The following CTNND2 variants were observed in gnomAD, a reference collection of about 807,000 sequenced individuals.
CTNND2 encodes the protein catenin delta 2.
A neutral mutation model predicts 144.4 loss-of-function variants in CTNND2; 22 were observed. The observed-to-expected ratio is 0.15, with a 90% CI of 0.11 to 0.22. The LOEUF is 0.22. Ranked by LOEUF, CTNND2 falls within the 10% of genes least tolerant of loss-of-function variation. The probability of loss-of-function intolerance (pLI) is 1.00; values close to 1 mark genes in which losing one functional copy is unlikely to be tolerated. For missense variants in CTNND2, 1,353 were observed against 1,618.8 expected, an observed-to-expected ratio of 0.84 and a Z score of 2.82; for synonymous variants, 751 against 695.6, an observed-to-expected ratio of 1.08 and a Z score of -1.25.
intron 15 of CTNND2, among the ~76,000 whole-genome samples, chr5:11,092,892 T>G (rs1750913106): frequency 6.6e-6 from 1 of 152,216 alleles, no homozygotes; most frequent in South Asian, 2.1e-4. Flanking sequence ...CACTTTTACA[T>G]GATACACTAC....
At chr5:11,460,168 A>G (rs1470622419) in intron 3 of CTNND2, among the ~76,000 whole-genome samples, 1 of 152,180 alleles carries the variant, frequency 6.6e-6, no homozygotes, top group Non-Finnish European at 1.5e-5. Context: ...GGAGCCTCCA[A>G]CATAGGTGAG....
intron 1 of CTNND2, among the ~76,000 whole-genome samples, chr5:11,890,571 G>A (rs1736877379): frequency 6.6e-6 from 1 of 152,028 alleles, no homozygotes; most frequent in Non-Finnish European, 1.5e-5. Flanking sequence ...CCTTCATAAG[G>A]CAGCTACTTA....
intron 3 of CTNND2, among the ~76,000 whole-genome samples, chr5:11,422,046 T>C (rs1762405233): frequency 6.6e-6 from 1 of 152,146 alleles, no homozygotes. Flanking sequence ...AAAGTTAAGC[T>C]ATCATTACCA....
chr5:11,008,191 C>T (rs991364957), intron 18 of CTNND2, among the ~76,000 whole-genome samples: 14 of 152,116 alleles, frequency 9.2e-5, no homozygotes, highest in Non-Finnish European at 1.3e-4. Context: ...ATACTGCCTC[C>T]CCCATAGAAG....
At chr5:11,633,775 C>CAA (rs71595827) in intron 2 of CTNND2, among the ~76,000 whole-genome samples, 2,469 of 136,364 alleles carry the variant, frequency 0.018, 65 homozygotes, top group African/African-American at 0.06. Context: ...GGCACTGTCT[C>CAA]AAAAAAAAAA....
At chr5:11,174,524 T>A (rs6894458) in intron 11 of CTNND2, among the ~76,000 whole-genome samples, 8,932 of 152,262 alleles carry the variant, frequency 0.059, 336 homozygotes, top group East Asian at 0.15. Context: ...ATTTTTTTTT[T>A]AAATATCACA....
intron 3 of CTNND2, among the ~76,000 whole-genome samples, chr5:11,474,345 A>C (rs1307243663): frequency 6.6e-6 from 1 of 152,230 alleles, no homozygotes; most frequent in African/African-American, 2.4e-5. Flanking sequence ...AAGATCTTCT[A>C]ATCTAGTTAG....
chr5:11,294,998 A>T, intron 9 of CTNND2, among the ~76,000 whole-genome samples: 1 of 152,160 alleles, frequency 6.6e-6, no homozygotes, highest in Non-Finnish European at 1.5e-5. Flanking sequence ...CAGGCAGGAG[A>T]AGGAAATAAA....
chr5:11,140,594 A>AAT (rs1561371680), intron 12 of CTNND2, among the ~76,000 whole-genome samples: 4 of 152,224 alleles, frequency 2.6e-5, no homozygotes, highest in Non-Finnish European at 5.9e-5. Flanking sequence ...CAATGCTACC[A>AAT]GTTCCTACTG....
At chr5:11,553,668 C>G (rs1467746706) in intron 3 of CTNND2, among the ~76,000 whole-genome samples, 1 of 151,996 alleles carries the variant, frequency 6.6e-6, no homozygotes, top group Non-Finnish European at 1.5e-5. Context: ...ATTACAAACT[C>G]CATGTTTTGG....
chr5:11,379,415 C>T (rs924111286), intron 7 of CTNND2, among the ~76,000 whole-genome samples: 20 of 152,174 alleles, frequency 1.3e-4, no homozygotes, highest in Non-Finnish European at 2.6e-4. Flanking sequence ...CCTGTCATTT[C>T]TAGATGAGTA....
chr5:11,117,468 G>A lies in CTNND2; in HGVS notation c.2259C>T (p.Ser753=), dbSNP rs1403194511. The A allele has an allele frequency of 3.1e-6, 5 of 1,613,716 alleles. No individual in the cohort carries two copies. Among genetic ancestry groups the A allele is most frequent in the East Asian group, 4.5e-5 (2 of 44,872 alleles). Reference sequence around the variant, plus strand: ...AACCAACCTTGCTATCGATCTCACTGCTCCCCAGCGCAGACTGGATCACGT... The same window carrying A: ...AACCAACCTTGCTATCGATCTCACTACTCCCCAGCGCAGACTGGATCACGT... ...LLYVIQSALG[S]SEIDSKTVEN... The change falls in exon 13 of 22, where the codon AGC becomes AGT. Residue 753 remains serine, a synonymous_variant. Transcript: ENST00000304623.
chr5:11,868,137 C>T (rs181317606), intron 1 of CTNND2, among the ~76,000 whole-genome samples: 2 of 152,012 alleles, frequency 1.3e-5, no homozygotes, highest in African/African-American at 4.8e-5. Context: ...CAAGCAGTGA[C>T]GCATGCGCAG....
At chr5:11,351,173 T>C (rs543230478) in intron 8 of CTNND2, among the ~76,000 whole-genome samples, 1 of 152,310 alleles carries the variant, frequency 6.6e-6, no homozygotes, top group Non-Finnish European at 1.5e-5. Flanking sequence ...TTGAACACTT[T>C]TCCTTATTTG....
At chr5:11,866,669 T>G (rs1795784312) in intron 1 of CTNND2, among the ~76,000 whole-genome samples, 1 of 152,246 alleles carries the variant, frequency 6.6e-6, no homozygotes, top group Admixed American at 6.5e-5. Flanking sequence ...GATCTCCTAC[T>G]GCATTTTTCC....
At chr5:11,305,334 C>G (rs1030210700) in intron 9 of CTNND2, among the ~76,000 whole-genome samples, 7 of 152,194 alleles carry the variant, frequency 4.6e-5, no homozygotes, top group Admixed American at 2.6e-4. Flanking sequence ...ATCCTGGCTT[C>G]TAACTGCTGC....
At chr5:11,841,641 G>A (rs2126983924) in intron 1 of CTNND2, among the ~76,000 whole-genome samples, 1 of 152,202 alleles carries the variant, frequency 6.6e-6, no homozygotes. Flanking sequence ...GGAAAGAGCG[G>A]GCTCTCTGGG....
At chr5:11,348,451 AAAAAAG>A (rs1285894541) in intron 8 of CTNND2, among the ~76,000 whole-genome samples, 2 of 148,226 alleles carry the variant, frequency 1.3e-5, no homozygotes, top group Non-Finnish European at 3.0e-5. Context: ...AAAAAAAAAA[AAAAAAG>A]AAAAAAGAAA....
chr5:11,216,503 C>A (rs1739215400), intron 10 of CTNND2, among the ~76,000 whole-genome samples: 1 of 152,120 alleles, frequency 6.6e-6, no homozygotes, highest in African/African-American at 2.4e-5. Flanking sequence ...GGCCATAGAC[C>A]AAGGAATGCA....
Sources: allele counts gnomAD v4.1 joint callset (sites outside exome capture counted in the v4.1 genomes callset), GRCh38; gene constraint gnomAD v4.1.1; transcripts MANE v1.5; gene names NCBI Gene and HGNC (gene_info 2026-07-23, HGNC 2026-07-21).